FHIT: variants seen among roughly 807,000 people sequenced by gnomAD.
FHIT encodes bis(5'-adenosyl)-triphosphatase.
A neutral mutation model predicts 17.9 loss-of-function variants in FHIT; 19 were observed. The observed-to-expected ratio is 1.06, with a 90% CI of 0.74 to 1.56. FHIT has a LOEUF of 1.56. Among genes scored for constraint, FHIT ranks in the 40% most tolerant of loss-of-function variants. FHIT has a pLI of 0.00. For synonymous variants in FHIT, 81 were observed against 69.7 expected (o/e 1.16, Z -0.81); for missense variants, 248 against 189.2 (o/e 1.31, Z -1.82).
At chr3:60,009,165 ATGTGTGTGTG>A (rs753809976) in intron 7 of FHIT, among the ~76,000 whole-genome samples, 1,345 of 53,912 alleles carry the variant, frequency 0.025, 11 homozygotes, top group African/African-American at 0.055. Context: ...CTGGGATTTT[ATGTGTGTGTG>A]TGTGTGTGTG....
chr3:60,131,861 A>C (rs898165293), intron 5 of FHIT, among the ~76,000 whole-genome samples: 4 of 151,998 alleles, frequency 2.6e-5, no homozygotes, highest in African/African-American at 9.7e-5. Flanking sequence ...TCCCTTCCTC[A>C]CTTAAAACCC....
intron 2 of FHIT, among the ~76,000 whole-genome samples, chr3:61,056,000 C>T (rs78610259): frequency 0.16 from 24,387 of 152,124 alleles, 2,533 homozygotes; most frequent in African/African-American, 0.29. Context: ...TAGTTATTAT[C>T]CTAAAATGCA....
intron 8 of FHIT, among the ~76,000 whole-genome samples, chr3:59,772,517 G>A (rs1702118477): frequency 6.6e-6 from 1 of 152,192 alleles, no homozygotes; most frequent in African/African-American, 2.4e-5. Context: ...TTTCAGACAT[G>A]AGGAAGCTGA....
At chr3:59,758,127 G>GAGAT (rs1701313063) in intron 8 of FHIT, among the ~76,000 whole-genome samples, 2 of 152,192 alleles carry the variant, frequency 1.3e-5, no homozygotes, top group Non-Finnish European at 2.9e-5. Flanking sequence ...ATTCAGGTCT[G>GAGAT]AGATTGACTT....
intron 2 of FHIT, among the ~76,000 whole-genome samples, chr3:61,044,411 A>C (rs2033681906): frequency 6.6e-6 from 1 of 152,202 alleles, no homozygotes; most frequent in Non-Finnish European, 1.5e-5. Context: ...AATGAAATGA[A>C]GTGAGAAGAG....
intron 5 of FHIT, among the ~76,000 whole-genome samples, chr3:60,088,739 A>C (rs566092971): frequency 6.6e-6 from 1 of 152,234 alleles, no homozygotes; most frequent in Non-Finnish European, 1.5e-5. Flanking sequence ...CCAAAGTTAT[A>C]GAAAAACAAA....
At chr3:61,053,017 G>C (rs528386572) in intron 2 of FHIT, among the ~76,000 whole-genome samples, 6 of 152,252 alleles carry the variant, frequency 3.9e-5, no homozygotes, top group Admixed American at 2.6e-4. Flanking sequence ...AACAGAAAAT[G>C]TGAAACTTTG....
At chr3:60,276,988 T>A (rs1473741686) in intron 5 of FHIT, among the ~76,000 whole-genome samples, 1 of 152,114 alleles carries the variant, frequency 6.6e-6, no homozygotes, top group African/African-American at 2.4e-5. Context: ...CAATGGGGAT[T>A]ACATTTCAAC....
intron 3 of FHIT, among the ~76,000 whole-genome samples, chr3:60,851,416 T>C (rs1703149772): frequency 6.6e-6 from 1 of 152,146 alleles, no homozygotes; most frequent in Admixed American, 6.6e-5. Flanking sequence ...CACTCAGCAC[T>C]AAGATGCTCA....
intron 3 of FHIT, among the ~76,000 whole-genome samples, chr3:60,951,931 C>G (rs868976207): frequency 3.9e-5 from 6 of 152,020 alleles, no homozygotes; most frequent in Admixed American, 3.3e-4. Flanking sequence ...TTTGGGAGGC[C>G]AAGGCGAGTG....
intron 8 of FHIT, among the ~76,000 whole-genome samples, chr3:59,810,938 A>G (rs1465160264): frequency 6.6e-6 from 1 of 152,232 alleles, no homozygotes; most frequent in Non-Finnish European, 1.5e-5. Flanking sequence ...AATTTAAAAC[A>G]TGTCTGTTGA....
At chr3:60,082,391 T>A (rs1015919417) in intron 5 of FHIT, among the ~76,000 whole-genome samples, 1 of 152,148 alleles carries the variant, frequency 6.6e-6, no homozygotes. Context: ...GGCACCTAAG[T>A]TGATTTCATG....
In FHIT at chr3:60,981,294, CCTTTTTTTTTTTTTTTT is replaced by C. The variant is rs1282811786; in HGVS notation, c.-111+60736_-111+60752del. The stretch of plus-strand genomic sequence containing the variant: ...TTTCTCCTTCTCCCCTTTCTTCCTT[CCTTTTTTTTTTTTTTTT>C]CTTTTTTTTTTTTGACAGAGTCTCA... On this transcript the variant is annotated intron_variant, in intron 3 of 9. Coordinates refer to ENST00000492590, the MANE Select transcript of FHIT (RefSeq NM_002012.4). Among the ~76,000 whole-genome samples the C allele has an allele frequency of 9.8e-5, 9 of 92,274 alleles. No individual in the cohort carries two copies. In the South Asian group the frequency reaches 1.7e-3, roughly 18 times the overall value. The allele number at this position is 92,274 out of a possible 152,430, so 60.5% of individuals were successfully genotyped here. A position where few individuals can be genotyped will look rare whatever the true frequency, so the allele number is the denominator to read the frequency against.
In FHIT at chr3:60,864,212, G is replaced by A. The variant is rs1704054705; in HGVS notation, c.-110-42201C>T. 1.3e-5 allele frequency among the ~76,000 whole-genome samples: 2 copies of A among 152,098 alleles called. 1 individual carries two copies. The highest frequency in any genetic ancestry group is 4.1e-4 in the South Asian group (2 of 4,828). On this transcript the variant is annotated intron_variant, in intron 3 of 9. Transcript: ENST00000492590. ...CTGGGTCCCTCCCATGACATGTGGG[G>A]ATTATGGTAGGTACAATTCAAGATG...
At chr3:60,616,192 A>G (rs2038945446) in intron 4 of FHIT, among the ~76,000 whole-genome samples, 1 of 152,176 alleles carries the variant, frequency 6.6e-6, no homozygotes, top group Non-Finnish European at 1.5e-5. Context: ...TTGGATATCC[A>G]CAAGACCTAT....
At chr3:60,383,069 G>A (rs1172462128) in intron 5 of FHIT, among the ~76,000 whole-genome samples, 1 of 152,112 alleles carries the variant, frequency 6.6e-6, no homozygotes, top group Non-Finnish European at 1.5e-5. Context: ...ATTATCTACT[G>A]TAACTCTAAA....
intron 4 of FHIT, among the ~76,000 whole-genome samples, chr3:60,739,831 C>A (rs1398663368): frequency 6.6e-5 from 10 of 152,098 alleles, no homozygotes; most frequent in Non-Finnish European, 1.5e-4. Flanking sequence ...TACATAGATA[C>A]CTTCATTATC....
At chr3:60,319,214 T>C (rs966796396) in intron 5 of FHIT, among the ~76,000 whole-genome samples, 3 of 152,126 alleles carry the variant, frequency 2.0e-5, no homozygotes, top group African/African-American at 7.2e-5. Flanking sequence ...CCTACCATAA[T>C]CTCTTTGGAT....
At chr3:59,959,326 G>C (rs546513343) in intron 7 of FHIT, among the ~76,000 whole-genome samples, 5 of 152,316 alleles carry the variant, frequency 3.3e-5, no homozygotes, top group African/African-American at 9.6e-5. Flanking sequence ...TAAGAAGAGA[G>C]TGTTTCATTT....
Sources: gnomAD v4.1 joint callset for allele counts (sites outside exome capture counted in the v4.1 genomes callset) on GRCh38, gnomAD v4.1.1 for gene constraint, MANE v1.5 for transcripts, NCBI Gene and HGNC (gene_info 2026-07-23, HGNC 2026-07-21) for gene names.